ABCA12: variants seen among roughly 807,000 people sequenced by gnomAD.
ABCA12 encodes the protein glucosylceramide transporter ABCA12.
In ABCA12, 156 loss-of-function variants were observed where a neutral mutation model predicts 293.5. That is an observed-to-expected ratio of 0.53 (90% CI 0.47 to 0.61). ABCA12 has a LOEUF of 0.61. ABCA12 is among the 20% of genes least tolerant of loss of function. ABCA12 has a pLI of 0.00. For synonymous variants in ABCA12, 1,063 were observed against 1,108.0 expected, an observed-to-expected ratio of 0.96 and a Z score of 0.81; for missense variants, 2,797 against 3,090.2, an observed-to-expected ratio of 0.91 and a Z score of 2.25.
intron 39 of ABCA12, chr2:214,962,268 C>G (rs923583697): frequency 6.6e-6 from 1 of 152,088 alleles, no homozygotes; most frequent in African/African-American, 2.4e-5. Flanking sequence ...GTAGGCATGG[C>G]TGAGTCCAGA....
In ABCA12 at chr2:214,955,194, G is replaced by A. The variant is rs1245721733; in HGVS notation, c.6393+8C>T. On this transcript the variant is annotated splice_region_variant and intron_variant, in intron 43 of 52. Transcript: ENST00000272895. ...TTTTGATAAATTCACTGAAATAAGG[G>A]ACCTTACCGGATCATTAGGCTTTTC... 1.2e-6 allele frequency: 2 copies of A among 1,613,688 alleles called. No homozygotes were observed. Among genetic ancestry groups the A allele is most frequent in the Non-Finnish European group, 1.7e-6 (2 of 1,179,848 alleles).
chr2:215,107,922 A>C (rs533655462), intron 2 of ABCA12, among the ~76,000 whole-genome samples: 1 of 152,352 alleles, frequency 6.6e-6, no homozygotes, highest in Admixed American at 6.5e-5. Context: ...TGTGAAAGTC[A>C]GAGGAGTGAG....
chr2:214,969,295 C>T (rs1190316231), intron 37 of ABCA12, among the ~76,000 whole-genome samples: 4 of 152,050 alleles, frequency 2.6e-5, no homozygotes, highest in South Asian at 4.1e-4. Flanking sequence ...CAAGTTGGGT[C>T]TTGTCAATTC....
At chr2:215,025,831 G>A (rs1026090758) in intron 10 of ABCA12, 52 bp from the exon 11 acceptor site, 1 of 1,352,622 alleles carries the variant, frequency 7.4e-7, no homozygotes, top group African/African-American at 1.4e-5. Flanking sequence ...GGTCATTTAG[G>A]AAACCAGTTT....
chr2:215,067,556 G>A (rs1701661200), intron 2 of ABCA12, among the ~76,000 whole-genome samples: 1 of 152,134 alleles, frequency 6.6e-6, no homozygotes, highest in South Asian at 2.1e-4. Context: ...CCCATCTCCA[G>A]GAGAAAAGCT....
chr2:215,120,982 T>C (rs1318430627), intron 1 of ABCA12, among the ~76,000 whole-genome samples: 1 of 152,206 alleles, frequency 6.6e-6, no homozygotes, highest in Non-Finnish European at 1.5e-5. Flanking sequence ...CTTCTTATAA[T>C]TAATGTCAGC....
At chr2:214,976,965 C>T (rs1699531236) in intron 33 of ABCA12, among the ~76,000 whole-genome samples, 1 of 152,158 alleles carries the variant, frequency 6.6e-6, no homozygotes. Flanking sequence ...TTTAAGTTTT[C>T]CATCAGAAAT....
In ABCA12 at chr2:214,991,095, CT is replaced by C. The variant is rs1282233956; in HGVS notation, c.3295-65del. ...TATTCTTCCAAATAAAAATTATTCC[CT>C]GTATTATGTCAAAATGTCATGATAG... is the stretch of plus-strand genomic sequence containing the variant. On this transcript the variant is annotated intron_variant, in intron 23 of 52. Coordinates refer to ENST00000272895, the MANE Select transcript of ABCA12 (RefSeq NM_173076.3). 3.5e-6 allele frequency: 5 copies of C among 1,419,216 alleles called. No homozygotes were observed. The Admixed American group carries it at 6.9e-5, about 20-fold the overall frequency. The allele number at this position is 1,419,216 out of a possible 1,614,324, so 87.9% of individuals were successfully genotyped here. A position where few individuals can be genotyped will look rare whatever the true frequency, so the allele number is the denominator to read the frequency against.
At chr2:215,104,511 T>C (rs934285424) in intron 2 of ABCA12, among the ~76,000 whole-genome samples, 5 of 152,190 alleles carry the variant, frequency 3.3e-5, no homozygotes, top group African/African-American at 9.7e-5. Flanking sequence ...GACCCCTCTG[T>C]GTGCTTCAGA....
At chr2:215,019,097 G>A (rs1700567699) in intron 13 of ABCA12, among the ~76,000 whole-genome samples, 1 of 152,204 alleles carries the variant, frequency 6.6e-6, no homozygotes, top group African/African-American at 2.4e-5. Flanking sequence ...GGTCTAACTA[G>A]TTAAACTTTT....
intron 1 of ABCA12, among the ~76,000 whole-genome samples, chr2:215,127,230 G>T (rs1158056702): frequency 6.6e-6 from 1 of 152,158 alleles, no homozygotes; most frequent in Admixed American, 6.5e-5. Flanking sequence ...CTATCTTGAA[G>T]ATAGTTCCAT....
At chr2:214,994,984 C>T (rs1281007934) in intron 23 of ABCA12, among the ~76,000 whole-genome samples, 2 of 152,148 alleles carry the variant, frequency 1.3e-5, no homozygotes, top group African/African-American at 4.8e-5. Context: ...AAAATATACT[C>T]TTCTGTATAT....
chr2:215,116,101 A>G (rs1018049295), intron 1 of ABCA12, among the ~76,000 whole-genome samples: 3 of 152,256 alleles, frequency 2.0e-5, no homozygotes, highest in African/African-American at 7.2e-5. Flanking sequence ...GGTTAGAATG[A>G]GCAAAATGGG....
intron 1 of ABCA12, among the ~76,000 whole-genome samples, chr2:215,125,113 A>C (rs1417599749): frequency 7.1e-6 from 1 of 141,276 alleles, no homozygotes; most frequent in South Asian, 2.1e-4. Context: ...AGTTGGCTGT[A>C]AGTATTTGGG....
intron 2 of ABCA12, among the ~76,000 whole-genome samples, chr2:215,095,592 C>T (rs1559191586): frequency 6.6e-6 from 1 of 152,074 alleles, no homozygotes; most frequent in Non-Finnish European, 1.5e-5. Context: ...CCATACCACC[C>T]CCAAAAATTT....
chr2:214,978,147 T>C (rs1699563024), intron 33 of ABCA12, among the ~76,000 whole-genome samples, 169 bp downstream of exon 33: 1 of 152,214 alleles, frequency 6.6e-6, no homozygotes, highest in Non-Finnish European at 1.5e-5. Flanking sequence ...TTCGATTTGG[T>C]TTAATGAATA....
At chr2:215,081,412 A>G (rs1011960444) in intron 2 of ABCA12, among the ~76,000 whole-genome samples, 1 of 146,114 alleles carries the variant, frequency 6.8e-6, no homozygotes, top group Non-Finnish European at 1.5e-5. Context: ...CTGGGGAGGC[A>G]GAGGTACAGT....
At chr2:215,092,649 C>A (rs1239597222) in intron 2 of ABCA12, among the ~76,000 whole-genome samples, 6 of 152,116 alleles carry the variant, frequency 3.9e-5, no homozygotes, top group African/African-American at 1.4e-4. Context: ...CTCTTAAAGC[C>A]TACAAATTCT....
intron 45 of ABCA12, among the ~76,000 whole-genome samples, 179 bp from the exon 46 acceptor site, chr2:214,949,328 C>T (rs1389127574): frequency 6.7e-6 from 1 of 149,366 alleles, no homozygotes; most frequent in Non-Finnish European, 1.5e-5. Context: ...CAAATGGATA[C>T]CATGTATTCT....
Sources: gnomAD v4.1 joint callset for allele counts (sites outside exome capture counted in the v4.1 genomes callset) on GRCh38, gnomAD v4.1.1 for gene constraint, MANE v1.5 for transcripts, NCBI Gene and HGNC (gene_info 2026-07-23, HGNC 2026-07-21) for gene names.